CTNND2: variants seen among roughly 807,000 people sequenced by gnomAD.
CTNND2 encodes the protein catenin delta 2, also known as catenin delta-2.
In CTNND2, 22 loss-of-function variants were observed where a neutral mutation model predicts 144.4. That is an observed-to-expected ratio of 0.15 (90% CI 0.11 to 0.22). The LOEUF (loss-of-function observed/expected upper bound fraction) is 0.22. Ranked by LOEUF, CTNND2 falls within the 10% of genes least tolerant of loss-of-function variation. CTNND2 has a pLI of 1.00. For synonymous variants in CTNND2, 751 were observed against 695.6 expected, an observed-to-expected ratio of 1.08 and a Z score of -1.25; for missense variants, 1,353 against 1,618.8, an observed-to-expected ratio of 0.84 and a Z score of 2.82.
intron 3 of CTNND2, among the ~76,000 whole-genome samples, chr5:11,436,431 T>C (rs1240905417): frequency 3.3e-5 from 5 of 152,196 alleles, no homozygotes; most frequent in Admixed American, 2.0e-4. Flanking sequence ...CAATGTGATA[T>C]TGGAGGAGAG....
chr5:11,530,331 C>G (rs1184730483), intron 3 of CTNND2, among the ~76,000 whole-genome samples: 1 of 152,092 alleles, frequency 6.6e-6, no homozygotes, highest in Non-Finnish European at 1.5e-5. Context: ...CACGCAGCTT[C>G]AAAGAATGGA....
rs1757078504 is a variant in CTNND2, at chr5:11,144,709, C to A, written c.2159+14867G>T. Among the ~76,000 whole-genome samples, 3 of 152,186 alleles carry A rather than the reference C, an allele frequency of 2.0e-5. No homozygotes were observed. The South Asian group carries it at 6.2e-4, about 32-fold the overall frequency. ...TCTCTCAAGGGACCGCCGTCTCACC[C>A]CTTTTCTGGAGGAAGGGCCTCCACC... On this transcript the variant is annotated intron_variant, in intron 12 of 21. Coordinates refer to ENST00000304623, the MANE Select transcript of CTNND2 (RefSeq NM_001332.4).
At chr5:11,489,718 T>G (rs1166327301) in intron 3 of CTNND2, among the ~76,000 whole-genome samples, 1 of 152,196 alleles carries the variant, frequency 6.6e-6, no homozygotes, top group African/African-American at 2.4e-5. Context: ...ATAAATTTAT[T>G]CTCCATACTT....
At chr5:11,882,851 T>C (rs1189999842) in intron 1 of CTNND2, among the ~76,000 whole-genome samples, 1 of 152,214 alleles carries the variant, frequency 6.6e-6, no homozygotes, top group Non-Finnish European at 1.5e-5. Context: ...AAGAATGTTA[T>C]TGGCATTTTC....
At chr5:11,624,734 TA>T (rs1395348066) in intron 2 of CTNND2, among the ~76,000 whole-genome samples, 1 of 152,084 alleles carries the variant, frequency 6.6e-6, no homozygotes, top group Non-Finnish European at 1.5e-5. Flanking sequence ...CTGCTCCTGT[TA>T]AGGAAAATTA....
At chr5:11,796,702 G>A (rs1791422512) in intron 1 of CTNND2, among the ~76,000 whole-genome samples, 1 of 152,160 alleles carries the variant, frequency 6.6e-6, no homozygotes, top group Non-Finnish European at 1.5e-5. Flanking sequence ...ACTTAGGGCT[G>A]TTTATAGGAT....
intron 3 of CTNND2, among the ~76,000 whole-genome samples, chr5:11,512,243 G>T (rs1017267037): frequency 6.6e-5 from 10 of 152,092 alleles, no homozygotes; most frequent in Non-Finnish European, 2.9e-5. Context: ...TATTCATTTT[G>T]AACTAGACCC....
chr5:11,820,584 A>G (rs1793257339), intron 1 of CTNND2, among the ~76,000 whole-genome samples: 1 of 152,202 alleles, frequency 6.6e-6, no homozygotes, highest in Non-Finnish European at 1.5e-5. Flanking sequence ...ACATATTAAA[A>G]TGAAATTCTC....
intron 1 of CTNND2, among the ~76,000 whole-genome samples, chr5:11,766,340 C>T (rs932419580): frequency 1.3e-5 from 2 of 152,306 alleles, no homozygotes; most frequent in Non-Finnish European, 1.5e-5. Flanking sequence ...ACCCAAATCT[C>T]ATCTTGAATT....
At chr5:11,471,547 A>C (rs1442206810) in intron 3 of CTNND2, among the ~76,000 whole-genome samples, 72 of 152,222 alleles carry the variant, frequency 4.7e-4, no homozygotes, top group Admixed American at 4.7e-3. Flanking sequence ...AATGGTTTTG[A>C]TAAAGGTATT....
In CTNND2 at chr5:11,511,233, A is replaced by T. The variant is rs79929997; in HGVS notation, c.287+53711T>A. Among the ~76,000 whole-genome samples, 1,059 of 152,342 alleles carry T rather than the reference A, an allele frequency of 7.0e-3. 14 individuals carry two copies. Among genetic ancestry groups the T allele is most frequent in the African/African-American group, 0.024 (1,010 of 41,576 alleles). ...TCATTTCACTTTCTTAAGAAAAAAT[A>T]TCTAACATTTAATGAGTCACAGACA... On this transcript the variant is annotated intron_variant, in intron 3 of 21. Transcript: ENST00000304623.
intron 20 of CTNND2, chr5:10,986,757 A>C: frequency 2.2e-6 from 1 of 446,960 alleles, no homozygotes; most frequent in Non-Finnish European, 4.5e-6. Flanking sequence ...GGCAGGGATA[A>C]GAAACATCCG....
intron 3 of CTNND2, among the ~76,000 whole-genome samples, chr5:11,513,097 A>G (rs2150027946): frequency 6.6e-6 from 1 of 152,256 alleles, no homozygotes; most frequent in African/African-American, 2.4e-5. Context: ...TCTGCATCAG[A>G]GCCCCACTGC....
Position 11,384,782 on chromosome 5 carries a change from C to A in CTNND2, c.1060G>T (p.Gly354Cys). 6.2e-7 allele frequency: 1 copy of A among 1,613,042 alleles called. No homozygotes were observed. The highest frequency in any genetic ancestry group is 8.5e-7 in the Non-Finnish European group (1 of 1,179,706). Residue 354 changes from glycine (G) to cysteine (C), a missense_variant, in exon 7 of 22, where the codon GGC (glycine) becomes TGC (cysteine). By Grantham distance (159) the Gly-to-Cys change is radical. This residue lies in a region of CTNND2 where 708 missense variants were observed against 706.4 expected (regional missense o/e 1.00). Transcript: ENST00000304623. The surrounding 1 kb of genome is among the most constrained non-coding windows in gnomAD (Gnocchi z 5.2). ...GTGGGCGACAGGGTGGCGTACGTGC[C>A]GATGGTGGAGCTCAGCTGGTGGATG... ...SPIHQLSSTIGTYATLSPTKR... is the reference protein window; with the variant it reads ...SPIHQLSSTICTYATLSPTKR...
chr5:11,159,126 A>T (rs1192642245), intron 12 of CTNND2, among the ~76,000 whole-genome samples: 1 of 152,192 alleles, frequency 6.6e-6, no homozygotes, highest in Non-Finnish European at 1.5e-5. Flanking sequence ...TTACAGTCAA[A>T]CAGAGAATTT....
Position 11,660,690 on chromosome 5 carries a change from A to G in CTNND2, c.174+71446T>C, listed in dbSNP as rs560819695. ...CATTGAACGTGTTTCAATTATTGAT[A>G]GTGGTACCCTTAAAAAAGTCACGTA... On this transcript the variant is annotated intron_variant, in intron 2 of 21. Coordinates refer to ENST00000304623, the MANE Select transcript of CTNND2 (RefSeq NM_001332.4). Among the ~76,000 whole-genome samples the G allele has an allele frequency of 7.9e-5, 12 of 152,254 alleles. No individual in the cohort carries two copies. In the East Asian group the frequency reaches 2.3e-3, roughly 29 times the overall value.
Position 11,082,826 on chromosome 5 carries a change from G to A in CTNND2, c.2658C>T (p.Ala886=), listed in dbSNP as rs751813141. The A allele has an allele frequency of 4.5e-5, 73 of 1,614,112 alleles. No individual in the cohort carries two copies. In the Middle Eastern group the frequency reaches 6.6e-4, roughly 15 times the overall value. ...GCAGGCCTTTCTCTTTTCGGACAGC[G>A]GCTCGGATATATACTGACCACTGCA... The part of the protein sequence containing the change: ...GSWKWSVYIR[A]AVRKEKGLPI... Residue 886 remains alanine, a synonymous_variant, in exon 16 of 22, where the codon GCC becomes GCT. Transcript: ENST00000304623.
intron 9 of CTNND2, among the ~76,000 whole-genome samples, chr5:11,338,860 G>A (rs1753976307): frequency 6.6e-6 from 1 of 152,068 alleles, no homozygotes; most frequent in Non-Finnish European, 1.5e-5. Context: ...TTTTGCCTTG[G>A]AGTCTTCTCT....
intron 2 of CTNND2, among the ~76,000 whole-genome samples, chr5:11,580,029 A>G (rs1160264023): frequency 6.6e-6 from 1 of 152,224 alleles, no homozygotes; most frequent in Non-Finnish European, 1.5e-5. Context: ...TATCTAATAA[A>G]TACTGTAGAC....
Sources: gnomAD v4.1 joint callset for allele counts (sites outside exome capture counted in the v4.1 genomes callset) on GRCh38, gnomAD v4.1.1 for gene constraint, gnomAD v4.1.1 regional missense constraint, Gnocchi (gnomAD v3.1) non-coding constraint, MANE v1.5 for transcripts, NCBI Gene and HGNC (gene_info 2026-07-23, HGNC 2026-07-21) for gene names.